Variants in RAI1 observed in about 807,000 individuals in gnomAD.
RAI1 encodes retinoic acid-induced protein 1.
A neutral mutation model predicts 123.8 loss-of-function variants in RAI1; 9 were observed. The ratio of observed to expected loss-of-function variants is 0.07; its 90% CI spans 0.04 to 0.13. The LOEUF (loss-of-function observed/expected upper bound fraction) is 0.13, where lower values mean the gene tolerates loss of function less well. RAI1 is among the 10% of genes least tolerant of loss of function. The pLI is 1.00. For missense variants in RAI1, 2,256 were observed against 2,545.8 expected, an observed-to-expected ratio of 0.89 and a Z score of 2.45; for synonymous variants, 1,231 against 1,127.3, an observed-to-expected ratio of 1.09 and a Z score of -1.84.
chr17:17,734,863 C>T (rs1361684124), intron 2 of RAI1, among the ~76,000 whole-genome samples: 1 of 152,212 alleles, frequency 6.6e-6, no homozygotes, highest in Non-Finnish European at 1.5e-5. Context: ...TCGCCCTCCA[C>T]AAAGCTATTT....
chr17:17,797,578 C>A lies in RAI1; in HGVS notation c.4630C>A (p.Arg1544=). Residue 1544 remains arginine, a synonymous_variant, in exon 3 of 6, where the codon CGG becomes AGG. Coordinates refer to ENST00000353383, the MANE Select transcript of RAI1 (RefSeq NM_030665.4). ...YSKRKRLTRG[R]AKNTTSSPCK... ...CAAGCGGAAGCGCCTCACTCGGGGCCGGGCCAAGAACACCACCTCTTCACC... is the reference window on the plus strand; with the variant it reads ...CAAGCGGAAGCGCCTCACTCGGGGCAGGGCCAAGAACACCACCTCTTCACC... 1 of 1,614,092 alleles carries A rather than the reference C, an allele frequency of 6.2e-7. No individual in the cohort carries two copies. The highest frequency in any genetic ancestry group is 1.1e-5 in the South Asian group (1 of 91,084).
intron 2 of RAI1, among the ~76,000 whole-genome samples, chr17:17,751,610 C>G (rs2142983853): frequency 6.6e-6 from 1 of 152,344 alleles, no homozygotes; most frequent in Non-Finnish European, 1.5e-5. Flanking sequence ...TCTTCCCTAG[C>G]TATGCACCGT....
chr17:17,758,513 AG>A (rs1431909906), intron 2 of RAI1, among the ~76,000 whole-genome samples: 3 of 152,188 alleles, frequency 2.0e-5, no homozygotes, highest in South Asian at 2.1e-4. Flanking sequence ...GGACAGGAAA[AG>A]GCTTCGTAAA....
chr17:17,741,818 C>T (rs961203067), intron 2 of RAI1, among the ~76,000 whole-genome samples: 10 of 152,248 alleles, frequency 6.6e-5, no homozygotes, highest in African/African-American at 2.2e-4. Flanking sequence ...CTGGGCCTGT[C>T]GGCCAGGGCC....
At chr17:17,805,736 G>A (rs1006241912) in intron 4 of RAI1, among the ~76,000 whole-genome samples, 6 of 152,226 alleles carry the variant, frequency 3.9e-5, no homozygotes, top group Non-Finnish European at 8.8e-5. Flanking sequence ...GGGACGTGGA[G>A]GATTCTCACT....
intron 1 of RAI1, among the ~76,000 whole-genome samples, chr17:17,710,303 G>A (rs1484017869): frequency 6.6e-6 from 1 of 152,174 alleles, no homozygotes; most frequent in African/African-American, 2.4e-5. Context: ...CACCTACCCA[G>A]GACCCCTTGT....
chr17:17,802,286 A>T, intron 3 of RAI1: 5 of 419,470 alleles, frequency 1.2e-5, no homozygotes, highest in Non-Finnish European at 2.0e-5. Context: ...GCCTCCTCTC[A>T]CAGGTCTGAG....
chr17:17,783,974 T>C (rs1423989409), intron 2 of RAI1, among the ~76,000 whole-genome samples: 1 of 152,060 alleles, frequency 6.6e-6, no homozygotes, highest in Admixed American at 6.6e-5. Flanking sequence ...AATTTCCTCC[T>C]CTCTCTCTCC....
In RAI1 at chr17:17,685,047, G is replaced by A. The variant is rs751594068; in HGVS notation, c.-149+3254G>A. Reference sequence around the variant, plus strand: ...TTGCCAATAAATGCTGATTGCTGCCGTCATTGTTGTATTGTTATTGCTGTT... The same window carrying A: ...TTGCCAATAAATGCTGATTGCTGCCATCATTGTTGTATTGTTATTGCTGTT... On this transcript the variant is annotated intron_variant, in intron 1 of 5. Coordinates refer to ENST00000353383, the MANE Select transcript of RAI1 (RefSeq NM_030665.4). The surrounding 1 kb of genome is among the most constrained non-coding windows in gnomAD (Gnocchi z 4.0). 13 of 152,226 alleles carry A rather than the reference G, an allele frequency of 8.5e-5. No individual in the cohort carries two copies. Among genetic ancestry groups the A allele is most frequent in the African/African-American group, 2.4e-4 (10 of 41,422 alleles). The allele number at this position is 152,226 out of a possible 1,614,324, so 9.4% of individuals were successfully genotyped here.
intron 2 of RAI1, among the ~76,000 whole-genome samples, chr17:17,785,370 A>G (rs1026046286): frequency 4.6e-5 from 7 of 152,164 alleles, no homozygotes; most frequent in Non-Finnish European, 7.3e-5. Context: ...TCATCTGTTT[A>G]TTTATCCAAG....
At chr17:17,791,188 G>A (rs2032000833) in intron 2 of RAI1, among the ~76,000 whole-genome samples, 1 of 152,212 alleles carries the variant, frequency 6.6e-6, no homozygotes, top group Non-Finnish European at 1.5e-5. Flanking sequence ...AGGGCAAGCT[G>A]ACTCCAGAGA....
Position 17,796,084 on chromosome 17 carries a change from C to T in RAI1, c.3136C>T (p.Arg1046Trp). 6.3e-7 allele frequency: 1 copy of T among 1,579,924 alleles called. No homozygotes were observed. The highest frequency in any genetic ancestry group is 8.6e-7 in the Non-Finnish European group (1 of 1,163,008). The change falls in exon 3 of 6, where the codon CGG (arginine) becomes TGG (tryptophan). Residue 1046 changes from arginine to tryptophan, a missense_variant. This residue lies in a region of RAI1 where 566 missense variants were observed against 616.0 expected (regional missense o/e 0.92). Coordinates refer to ENST00000353383, the MANE Select transcript of RAI1 (RefSeq NM_030665.4). The surrounding 1 kb of genome is among the most constrained non-coding windows in gnomAD (Gnocchi z 5.8). Reference sequence around the variant, plus strand: ...GATGGAAGGGGCTGGAGCCCCAGGCCGGGGGGCCTCGGAAGGGCTCCCCAG... The same window carrying T: ...GATGGAAGGGGCTGGAGCCCCAGGCTGGGGGGCCTCGGAAGGGCTCCCCAG... The part of the protein sequence containing the change: ...GQMEGAGAPG[R>W]GASEGLPRMC...
At chr17:17,808,414 A>T (rs1049354089) in intron 4 of RAI1, among the ~76,000 whole-genome samples, 35 of 125,888 alleles carry the variant, frequency 2.8e-4, no homozygotes, top group Middle Eastern at 3.8e-3. Context: ...ATTTTATTTT[A>T]TTATTTTATT....
rs187166018 is a variant in RAI1, at chr17:17,749,122, T to A, written c.-17+24963T>A. The stretch of plus-strand genomic sequence containing the variant: ...CATCCCCGTCCAGAAAGAGGCTGAA[T>A]GGCGGCCAGCATCTGCCCGTCAGCA... On this transcript the variant is annotated intron_variant, in intron 2 of 5. Transcript: ENST00000353383. Among the ~76,000 whole-genome samples the A allele has an allele frequency of 4.0e-3, 603 of 152,344 alleles. 5 individuals carry two copies. Among genetic ancestry groups the A allele is most frequent in the African/African-American group, 0.014 (572 of 41,580 alleles).
intron 2 of RAI1, among the ~76,000 whole-genome samples, chr17:17,730,237 C>T (rs1916223218): frequency 6.6e-6 from 1 of 152,240 alleles, no homozygotes; most frequent in Admixed American, 6.5e-5. Context: ...TTCCCAGGGC[C>T]TGAAATGCTT....
chr17:17,705,342 T>C (rs11654724), intron 1 of RAI1, among the ~76,000 whole-genome samples: 31,645 of 152,156 alleles, frequency 0.21, 3,605 homozygotes, highest in East Asian at 0.35. Context: ...TTCAAAAACA[T>C]TTCTTGGCTG....
At chr17:17,718,822 C>G (rs9914733) in intron 1 of RAI1, among the ~76,000 whole-genome samples, 38,184 of 152,014 alleles carry the variant, frequency 0.25, 4,985 homozygotes, top group East Asian at 0.35. Context: ...GGGGCCTCTT[C>G]AGCAGTTTTC....
intron 2 of RAI1, among the ~76,000 whole-genome samples, chr17:17,752,734 T>G (rs1469192374): frequency 6.6e-6 from 1 of 152,216 alleles, no homozygotes; most frequent in Non-Finnish European, 1.5e-5. Flanking sequence ...ACAGGGCCTT[T>G]GCACGTCATT....
chr17:17,776,197 C>T (rs1239469674), intron 2 of RAI1, among the ~76,000 whole-genome samples: 2 of 152,248 alleles, frequency 1.3e-5, no homozygotes, highest in Admixed American at 6.5e-5. Flanking sequence ...GGTCAACCCA[C>T]CAGCCTAGAG....
Sources: gnomAD v4.1 joint callset for allele counts (sites outside exome capture counted in the v4.1 genomes callset) on GRCh38, gnomAD v4.1.1 for gene constraint, gnomAD v4.1.1 regional missense constraint, Gnocchi (gnomAD v3.1) non-coding constraint, MANE v1.5 for transcripts, NCBI Gene and HGNC (gene_info 2026-07-23, HGNC 2026-07-21) for gene names.